Variants in SYN3 observed in about 807,000 individuals in gnomAD.
SYN3 encodes synapsin-3.
Under a neutral mutation model 65.8 loss-of-function variants are expected in SYN3, and 35 were observed. The ratio of observed to expected loss-of-function variants is 0.53; its 90% confidence interval spans 0.41 to 0.70. The LOEUF is 0.70. Among genes scored for constraint, SYN3 ranks in the 30% least tolerant of loss-of-function variants. The pLI, the probability that SYN3 is intolerant of heterozygous loss-of-function variation, is 0.00. For synonymous variants in SYN3, 270 were observed against 292.9 expected, an observed-to-expected ratio of 0.92 and a Z score of 0.80; for missense variants, 680 against 749.0, an observed-to-expected ratio of 0.91 and a Z score of 1.08.
In SYN3 at chr22:32,837,509, G is replaced by A. The variant is rs2047769015; in HGVS notation, c.711+27406C>T. ...GGCGAAACCACTCCAAGAGGTGAAA[G>A]GGCTTGAGGGGAGACAGGGTACGGC... is the stretch of plus-strand genomic sequence containing the variant. On this transcript the variant is annotated intron_variant, in intron 6 of 13. Coordinates refer to ENST00000358763, the MANE Select transcript of SYN3 (RefSeq NM_003490.4). This position sits in a 1 kb window ranked among gnomAD's most constrained non-coding sequence, Gnocchi z 4.1. 6.6e-6 allele frequency among the ~76,000 whole-genome samples: 1 copy of A among 152,198 alleles called. No individual in the cohort carries two copies. The highest frequency in any genetic ancestry group is 2.1e-4 in the South Asian group (1 of 4,830).
intron 4 of SYN3, among the ~76,000 whole-genome samples, chr22:32,883,036 G>A (rs2049186381): frequency 1.3e-5 from 2 of 152,216 alleles, no homozygotes; most frequent in African/African-American, 2.4e-5. Context: ...CCAGCGAGTG[G>A]TGATGTTGAA....
intron 6 of SYN3, among the ~76,000 whole-genome samples, chr22:32,811,083 A>G (rs2046903921): frequency 6.6e-6 from 1 of 152,196 alleles, no homozygotes; most frequent in South Asian, 2.1e-4. Flanking sequence ...AAGGCTGGGA[A>G]CCACTGAGAC....
intron 6 of SYN3, chr22:32,857,993 T>C: frequency 6.2e-7 from 1 of 1,614,066 alleles, no homozygotes; most frequent in Middle Eastern, 1.6e-4. Context: ...CAACCTCTCC[T>C]TGTTTTCTTC....
chr22:32,770,919 C>A (rs1242207981), intron 6 of SYN3, among the ~76,000 whole-genome samples: 1 of 142,022 alleles, frequency 7.0e-6, no homozygotes, highest in Non-Finnish European at 1.5e-5. Flanking sequence ...ACTTTAAGTT[C>A]TGGGATACCT....
intron 10 of SYN3, among the ~76,000 whole-genome samples, chr22:32,532,409 C>A (rs1347663486): frequency 6.6e-6 from 1 of 152,298 alleles, no homozygotes; most frequent in African/African-American, 2.4e-5. Flanking sequence ...TGTTCCCAGC[C>A]CCTTCCATGG....
At chr22:32,519,291 TAAG>T (rs2057834473) in intron 12 of SYN3, 1 of 150,234 alleles carries the variant, frequency 6.7e-6, no homozygotes, top group South Asian at 2.1e-4. Context: ...GTGGTGAGAT[TAAG>T]AAGGATTTTA....
intron 2 of SYN3, among the ~76,000 whole-genome samples, chr22:32,997,147 G>C (rs529828286): frequency 6.6e-6 from 1 of 152,306 alleles, no homozygotes; most frequent in East Asian, 1.9e-4. Context: ...GATGTCAGTA[G>C]CATTTGCTTT....
At chr22:32,843,607 C>T (rs1301300649) in intron 6 of SYN3, among the ~76,000 whole-genome samples, 1 of 152,158 alleles carries the variant, frequency 6.6e-6, no homozygotes, top group East Asian at 1.9e-4. Context: ...ACAGGGATCC[C>T]TCTTTCCTCC....
intron 3 of SYN3, among the ~76,000 whole-genome samples, chr22:32,964,714 G>T (rs141172128): frequency 6.6e-6 from 1 of 152,176 alleles, no homozygotes; most frequent in African/African-American, 2.4e-5. Flanking sequence ...AAAGTTAAAC[G>T]CATGAGGGCA....
At chr22:32,880,567 G>A (rs773831207) in intron 4 of SYN3, among the ~76,000 whole-genome samples, 3 of 152,142 alleles carry the variant, frequency 2.0e-5, no homozygotes, top group East Asian at 1.9e-4. Context: ...CCTCTCAGCC[G>A]TCTCAGGGAT....
intron 6 of SYN3, among the ~76,000 whole-genome samples, chr22:32,806,598 G>A (rs1411930676): frequency 6.6e-6 from 1 of 152,196 alleles, no homozygotes; most frequent in African/African-American, 2.4e-5. Context: ...TTGGCTGTGT[G>A]TGCCTAGGCA....
chr22:32,567,589 A>G (rs916149993), intron 7 of SYN3, among the ~76,000 whole-genome samples: 1 of 152,142 alleles, frequency 6.6e-6, no homozygotes, highest in Non-Finnish European at 1.5e-5. Context: ...ATTGGGATGG[A>G]CTGATACATT....
At chr22:32,550,210 T>C (rs990909861) in intron 7 of SYN3, among the ~76,000 whole-genome samples, 1 of 152,220 alleles carries the variant, frequency 6.6e-6, no homozygotes, top group African/African-American at 2.4e-5. Context: ...CTCTGTGATA[T>C]TCCATTTCTT....
chr22:32,992,859 C>G (rs191425455), intron 2 of SYN3, among the ~76,000 whole-genome samples: 12 of 152,256 alleles, frequency 7.9e-5, no homozygotes, highest in Admixed American at 7.2e-4. Flanking sequence ...GAGCTCCAGT[C>G]TAGATATTCT....
chr22:32,904,368 G>GC (rs1324883055), intron 4 of SYN3, among the ~76,000 whole-genome samples: 1 of 152,210 alleles, frequency 6.6e-6, no homozygotes, highest in Non-Finnish European at 1.5e-5. Flanking sequence ...CAGAGAGTCT[G>GC]CAGAGGGCTC....
intron 6 of SYN3, among the ~76,000 whole-genome samples, chr22:32,720,137 T>C (rs1321146620): frequency 2.0e-5 from 3 of 152,220 alleles, no homozygotes; most frequent in South Asian, 2.1e-4. Context: ...ACCGGCCCCA[T>C]GTGCTTTTTG....
chr22:33,015,482 T>A, intron 1 of SYN3: 3 of 213,552 alleles, frequency 1.4e-5, no homozygotes, highest in Non-Finnish European at 3.0e-5. Context: ...CTACTTTAAT[T>A]TAGCTGACAA....
intron 3 of SYN3, among the ~76,000 whole-genome samples, chr22:32,945,978 A>C (rs1005496105): frequency 2.0e-5 from 3 of 152,380 alleles, no homozygotes; most frequent in African/African-American, 7.2e-5. Context: ...AATGCAAATC[A>C]AAACCACAAT....
intron 7 of SYN3, among the ~76,000 whole-genome samples, chr22:32,568,007 C>A (rs1052029858): frequency 1.3e-5 from 2 of 152,188 alleles, no homozygotes; most frequent in African/African-American, 4.8e-5. Context: ...TCAGAAGGGA[C>A]CGGACGGTCA....
Sources: allele counts gnomAD v4.1 joint callset (sites outside exome capture counted in the v4.1 genomes callset), GRCh38; gene constraint gnomAD v4.1.1; non-coding constraint Gnocchi (gnomAD v3.1); transcripts MANE v1.5; gene names NCBI Gene and HGNC (gene_info 2026-07-23, HGNC 2026-07-21).